CYTH1: variants seen among roughly 807,000 people sequenced by gnomAD.
CYTH1 encodes the protein cytohesin-1.
A neutral mutation model predicts 61.8 loss-of-function variants in CYTH1; 18 were observed. That is an observed-to-expected ratio of 0.29 (90% CI 0.20 to 0.43). The LOEUF (loss-of-function observed/expected upper bound fraction) is 0.43, where lower values mean the gene tolerates loss of function less well. Ranked by LOEUF, CYTH1 falls within the 20% of genes least tolerant of loss-of-function variation. The pLI, the probability that CYTH1 is intolerant of heterozygous loss-of-function variation, is 1.00. For synonymous variants in CYTH1, 174 were observed against 184.3 expected, an observed-to-expected ratio of 0.94 and a Z score of 0.45; for missense variants, 336 against 510.5, an observed-to-expected ratio of 0.66 and a Z score of 3.29.
At chr17:78,730,964 C>G (rs900585577) in intron 1 of CYTH1, among the ~76,000 whole-genome samples, 8 of 151,998 alleles carry the variant, frequency 5.3e-5, no homozygotes, top group Admixed American at 2.0e-4. Flanking sequence ...GCGCTCGGCA[C>G]GAAATTATCT....
chr17:78,751,955 C>T (rs917617358), intron 1 of CYTH1, among the ~76,000 whole-genome samples: 4 of 152,096 alleles, frequency 2.6e-5, no homozygotes, highest in East Asian at 1.9e-4. Context: ...AGGCTGGTTT[C>T]GAAACCCTGA....
intron 1 of CYTH1, among the ~76,000 whole-genome samples, chr17:78,734,664 T>TCCTGACCTCAGGTGATCCG (rs1411488583): frequency 1.6e-4 from 24 of 152,048 alleles, no homozygotes; most frequent in Non-Finnish European, 3.4e-4. Flanking sequence ...GGTCTGGAAC[T>TCCTGACCTCAGGTGATCCG]CCTGACCTCA....
At chr17:78,727,570 T>A in intron 1 of CYTH1, 1 of 407,382 alleles carries the variant, frequency 2.5e-6, no homozygotes, top group East Asian at 7.8e-5. Context: ...TGCAAAAGTT[T>A]GGGAGAGGTG....
At position 78,674,949 on chromosome 17, in the gene CYTH1, G is replaced by A. The variant is rs2092682113; in HGVS notation, c.*1142C>T. 6.5e-6 allele frequency: 1 copy of A among 152,842 alleles called. No homozygotes were observed. Among genetic ancestry groups the A allele is most frequent in the Non-Finnish European group, 1.5e-5 (1 of 68,470 alleles). 9.5% of individuals were successfully genotyped at this position (152,842 alleles called of 1,614,324 possible). On this transcript the variant is annotated 3_prime_UTR_variant, in exon 14 of 14. Coordinates refer to ENST00000446868, the MANE Select transcript of CYTH1 (RefSeq NM_004762.6). ...CCCCCCTCACTCCAGTGCACCCCAC[G>A]GAGCAGATAAAGGCCCATCTTCCCC... is the stretch of plus-strand genomic sequence containing the variant.
chr17:78,686,969 C>A (rs969621920), intron 11 of CYTH1, among the ~76,000 whole-genome samples: 1 of 151,834 alleles, frequency 6.6e-6, no homozygotes, highest in East Asian at 1.9e-4. Flanking sequence ...TTAGTAGAGA[C>A]GGGGTTTCTC....
intron 1 of CYTH1, among the ~76,000 whole-genome samples, chr17:78,721,995 C>T (rs1398552514): frequency 1.3e-5 from 2 of 152,028 alleles, no homozygotes; most frequent in East Asian, 1.9e-4. Flanking sequence ...TGCAGCGAGC[C>T]GAGATCGCGC....
intron 1 of CYTH1, among the ~76,000 whole-genome samples, chr17:78,781,619 G>C (rs1389904086): frequency 6.6e-6 from 1 of 152,088 alleles, no homozygotes; most frequent in African/African-American, 2.4e-5. Context: ...CGCCTCGCCG[G>C]CGGCGCCGCT....
Position 78,782,207 on chromosome 17 carries a change from C to G in CYTH1, c.17G>C (p.Ser6Thr). The G allele has an allele frequency of 7.3e-7, 1 of 1,371,194 alleles. No homozygotes were observed. The highest frequency in any genetic ancestry group is 1.5e-5 in the African/African-American group (1 of 66,034). The allele number at this position is 1,371,194 out of a possible 1,614,324, so 84.9% of individuals were successfully genotyped here. ...CGCCGCCGGGGCGCACTGACCGTAG[C>G]TGTCGTCCTCCTCCATGGTGCGGGA... Reference protein sequence around the residue: MEEDDSYVPSDLTAEE... With the variant: MEEDDTYVPSDLTAEE... Residue 6 changes from serine (S) to threonine (T), a missense_variant, in exon 1 of 14, where the codon AGC (serine) becomes ACC (threonine). Ser to Thr is a moderately conservative substitution (Grantham distance 58). Coordinates refer to ENST00000446868, the MANE Select transcript of CYTH1 (RefSeq NM_004762.6).
intron 13 of CYTH1, chr17:78,677,094 G>A: frequency 8.8e-6 from 4 of 455,944 alleles, no homozygotes; most frequent in South Asian, 6.2e-5. Flanking sequence ...TGCTTCCGCA[G>A]CTCCCCGGGG....
intron 1 of CYTH1, among the ~76,000 whole-genome samples, chr17:78,709,982 G>C (rs1471880339): frequency 6.6e-6 from 1 of 152,232 alleles, no homozygotes; most frequent in Non-Finnish European, 1.5e-5. Context: ...ATTACTGAAG[G>C]TTAAATTAGG....
chr17:78,770,509 C>A (rs540448077), intron 1 of CYTH1, among the ~76,000 whole-genome samples: 1 of 151,958 alleles, frequency 6.6e-6, no homozygotes, highest in African/African-American at 2.4e-5. Flanking sequence ...ATCTCCACTT[C>A]CCGGGTTCAA....
At chr17:78,678,546 A>G (rs1369054662) in intron 13 of CYTH1, 2 of 152,226 alleles carry the variant, frequency 1.3e-5, no homozygotes, top group East Asian at 3.8e-4. Flanking sequence ...TATAAAAAAT[A>G]CATTTCATAA....
chr17:78,708,190 G>C lies in CYTH1; in HGVS notation c.170+7C>G, dbSNP rs767547779. On this transcript the variant is annotated splice_region_variant and intron_variant, in intron 3 of 13. Transcript: ENST00000446868. ...ACAGAAGCCACCTGGCAGCAGGGCA[G>C]ACTCACCTTTCCTCTGTGGATCCCA... 6.2e-7 allele frequency: 1 copy of C among 1,614,054 alleles called. No individual in the cohort carries two copies. Among genetic ancestry groups the C allele is most frequent in the Non-Finnish European group, 8.5e-7 (1 of 1,179,974 alleles).
intron 12 of CYTH1, 39 bp from the exon 13 acceptor site, chr17:78,680,383 G>A: frequency 1.9e-6 from 3 of 1,578,216 alleles, no homozygotes; most frequent in Non-Finnish European, 2.6e-6. Context: ...TGGAGCAAAG[G>A]AAGCTGTTAA....
intron 1 of CYTH1, among the ~76,000 whole-genome samples, chr17:78,770,127 C>T (rs1051725979): frequency 1.3e-4 from 19 of 150,126 alleles, no homozygotes; most frequent in African/African-American, 3.2e-4. Context: ...TCCAGCCTGA[C>T]GACACAGCAA....
At chr17:78,747,378 A>C (rs546393628) in intron 1 of CYTH1, among the ~76,000 whole-genome samples, 1 of 152,234 alleles carries the variant, frequency 6.6e-6, no homozygotes, top group Admixed American at 6.5e-5. Flanking sequence ...CAAATACTGC[A>C]CTGCGGTCCC....
At position 78,701,656 on chromosome 17, in the gene CYTH1, C is replaced by A; in HGVS notation, c.437+15G>T. The A allele has an allele frequency of 1.2e-6, 2 of 1,613,990 alleles. No individual in the cohort carries two copies. Among genetic ancestry groups the A allele is most frequent in the Non-Finnish European group, 1.7e-6 (2 of 1,179,864 alleles). On this transcript the variant is annotated intron_variant, in intron 6 of 13. Coordinates refer to ENST00000446868, the MANE Select transcript of CYTH1 (RefSeq NM_004762.6). ...TCCCACTCCTTCCAAAGGGGCTCACCTCAAGAATACTCACCGTAGTGCCTG... is the reference window on the plus strand; with the variant it reads ...TCCCACTCCTTCCAAAGGGGCTCACATCAAGAATACTCACCGTAGTGCCTG...
At chr17:78,694,981 G>A (rs2092924361) in intron 10 of CYTH1, among the ~76,000 whole-genome samples, 1 of 152,102 alleles carries the variant, frequency 6.6e-6, no homozygotes, top group Non-Finnish European at 1.5e-5. Flanking sequence ...ACCTCCCACT[G>A]CACGGCTCCT....
At chr17:78,687,241 C>A (rs2092826065) in intron 11 of CYTH1, among the ~76,000 whole-genome samples, 1 of 151,344 alleles carries the variant, frequency 6.6e-6, no homozygotes, top group Admixed American at 6.6e-5. Context: ...ACAGTGACAC[C>A]CAACATGTGT....
Sources: allele counts gnomAD v4.1 joint callset (sites outside exome capture counted in the v4.1 genomes callset), GRCh38; gene constraint gnomAD v4.1.1; transcripts MANE v1.5; gene names NCBI Gene and HGNC (gene_info 2026-07-23, HGNC 2026-07-21).